Variants in CTSB observed in about 807,000 individuals in gnomAD.
The protein encoded by CTSB is APP secretase.
CTSB carries 57 observed loss-of-function variants against 44.3 expected under a neutral mutation model. That is an observed-to-expected ratio of 1.29 (90% CI 1.04 to 1.60). The LOEUF is 1.60. CTSB is among the 40% of genes most tolerant of loss of function. The pLI is 0.00. For synonymous variants in CTSB, 320 were observed against 168.0 expected (o/e 1.91, Z -7.00); for missense variants, 768 against 443.0 (o/e 1.73, Z -6.59).
intron 1 of CTSB, among the ~76,000 whole-genome samples, chr8:11,866,740 A>G (rs1817207664): frequency 6.6e-6 from 1 of 152,154 alleles, no homozygotes; most frequent in African/African-American, 2.4e-5. Flanking sequence ...GGCACCTGTA[A>G]TCCCAGCTAC....
At position 11,848,073 on chromosome 8, in the gene CTSB, G is replaced by A. The variant is rs573635072; in HGVS notation, c.526C>T (p.His176Tyr). The change falls in exon 6 of 10, where the codon CAT becomes TAT. Residue 176 changes from histidine (H) to tyrosine (Y), a missense_variant. Transcript: ENST00000353047. Reference sequence around the variant, plus strand: ...GCCAAGGGGACACACTTACCTACATGGGATTCATAGAGGCCACCAGAAACC... The same window carrying A: ...GCCAAGGGGACACACTTACCTACATAGGATTCATAGAGGCCACCAGAAACC... ...GLVSGGLYES[H>Y]VGCRPYSIPP... 3 of 1,611,966 alleles carry A rather than the reference G, an allele frequency of 1.9e-6. No individual in the cohort carries two copies. The highest frequency in any genetic ancestry group is 1.1e-5 in the South Asian group (1 of 90,944).
chr8:11,862,796 C>A (rs1338695917), intron 1 of CTSB, among the ~76,000 whole-genome samples: 1 of 152,262 alleles, frequency 6.6e-6, no homozygotes, highest in Non-Finnish European at 1.5e-5. Flanking sequence ...ACAGCCCGGC[C>A]CTCCGGGCTC....
At chr8:11,857,707 G>A (rs551947145) in intron 1 of CTSB, among the ~76,000 whole-genome samples, 3 of 151,956 alleles carry the variant, frequency 2.0e-5, no homozygotes, top group African/African-American at 4.8e-5. Flanking sequence ...CCCTGCACCC[G>A]CCCTCCTTTT....
intron 1 of CTSB, among the ~76,000 whole-genome samples, chr8:11,859,078 G>A (rs183155333): frequency 6.6e-6 from 1 of 152,232 alleles, no homozygotes; most frequent in Admixed American, 6.5e-5. Flanking sequence ...GTGCTGCTTA[G>A]GCAGACCTGA....
intron 3 of CTSB, 64 bp downstream of exon 3, chr8:11,852,546 T>C: frequency 7.2e-7 from 1 of 1,393,994 alleles, no homozygotes; most frequent in Non-Finnish European, 1.0e-6. Flanking sequence ...CTCTCCCACT[T>C]CCCACTGCCC....
At chr8:11,857,385 A>G (rs917614646) in intron 1 of CTSB, among the ~76,000 whole-genome samples, 2 of 152,040 alleles carry the variant, frequency 1.3e-5, no homozygotes, top group African/African-American at 2.4e-5. Flanking sequence ...TCACGTGGCC[A>G]TGCATGTCAG....
At chr8:11,846,095 G>C (rs148192536) in intron 8 of CTSB, 202 of 204,882 alleles carry the variant, frequency 9.9e-4, no homozygotes, top group African/African-American at 4.5e-3. Flanking sequence ...CTAGATGACT[G>C]ATTCATCTGT....
chr8:11,867,022 G>A (rs1321620639), intron 1 of CTSB, among the ~76,000 whole-genome samples: 5 of 152,178 alleles, frequency 3.3e-5, no homozygotes, highest in Non-Finnish European at 5.9e-5. Flanking sequence ...AGTGGGTTTG[G>A]GGGGTCTCTC....
At chr8:11,865,924 CAGG>C (rs2150462419) in intron 1 of CTSB, among the ~76,000 whole-genome samples, 1 of 143,554 alleles carries the variant, frequency 7.0e-6, no homozygotes, top group Admixed American at 7.2e-5. Flanking sequence ...GAGGCTGAGA[CAGG>C]AGAATTGCTT....
intron 9 of CTSB, 116 bp downstream of exon 9, chr8:11,845,545 C>CTGG (rs1813134737): frequency 1.5e-6 from 2 of 1,305,126 alleles, no homozygotes; most frequent in Non-Finnish European, 2.1e-6. Flanking sequence ...AGCTCACAGC[C>CTGG]TGGCCGTAGG....
rs374459060 is a variant in CTSB, at chr8:11,848,081, T to C, written c.518A>G (p.Tyr173Cys). 1.9e-6 allele frequency: 3 copies of C among 1,613,322 alleles called. No individual in the cohort carries two copies. The highest frequency in any genetic ancestry group is 2.7e-5 in the African/African-American group (2 of 74,854). Residue 173 changes from tyrosine to cysteine, a missense_variant, in exon 6 of 10, where the codon TAT (tyrosine) becomes TGT (cysteine). Transcript: ENST00000353047. ...GACACACTTACCTACATGGGATTCA[T>C]AGAGGCCACCAGAAACCAGGCCTTT... ...TRKGLVSGGL[Y>C]ESHVGCRPYS... is the part of the protein sequence containing the mutation.
rs759707839 is a variant in CTSB, at chr8:11,845,741, C to CGG, written c.840_841dup (p.Arg281ProfsTer83). The CGG allele has an allele frequency of 1.2e-6, 2 of 1,613,970 alleles. No individual in the cohort carries two copies. The highest frequency in any genetic ancestry group is 1.7e-6 in the Non-Finnish European group (2 of 1,179,860). On this transcript the variant is annotated frameshift_variant, in exon 9 of 10. Coordinates refer to ENST00000353047, the MANE Select transcript of CTSB (RefSeq NM_001908.5). LOFTEE classifies it high-confidence loss of function. ...ATTCTCCACTCCCCAGCCCAGGATG[C>CGG]GGATGGCATGGCCACCCATCATCTC...
rs138438915 is a variant in CTSB at position 11,847,100 on chromosome 8, C to A, written c.745G>T (p.Val249Leu). 1.6e-4 allele frequency: 256 copies of A among 1,613,752 alleles called. 1 individual carries two copies. Among genetic ancestry groups the A allele is most frequent in the Middle Eastern group, 6.6e-4 (4 of 6,062 alleles). The change falls in exon 8 of 10, where the codon GTG becomes TTG. Residue 249 changes from valine (V) to leucine (L), a missense_variant. Physicochemically the swap from Val to Leu is conservative, Grantham distance 32 (BLOSUM62 1). Coordinates refer to ENST00000353047, the MANE Select transcript of CTSB (RefSeq NM_001908.5). Reference sequence around the variant, plus strand: ...GAATACACAGAGAAAGCTCCCTCCACGGGGCCGTTTTTGTAGATCTCGGCC... The same window carrying A: ...GAATACACAGAGAAAGCTCCCTCCAAGGGGCCGTTTTTGTAGATCTCGGCC... ...IMAEIYKNGP[V>L]EGAFSVYSDF... is the part of the protein sequence containing the mutation.
intron 4 of CTSB, 98 bp downstream of exon 4, chr8:11,850,768 G>C (rs891206985): frequency 2.8e-6 from 2 of 723,632 alleles, no homozygotes; most frequent in African/African-American, 3.6e-5. Flanking sequence ...TCTATAACTT[G>C]CCTTGTCAGA....
chr8:11,864,339 A>AC (rs1432578958), intron 1 of CTSB: 1 of 150,664 alleles, frequency 6.6e-6, no homozygotes, highest in Non-Finnish European at 1.5e-5. Flanking sequence ...AAAAAAAAAA[A>AC]AAAACCTGGG....
intron 1 of CTSB, among the ~76,000 whole-genome samples, chr8:11,856,642 A>G (rs985721908): frequency 6.6e-6 from 1 of 152,150 alleles, no homozygotes; most frequent in South Asian, 2.1e-4. Context: ...AGTGAATTCT[A>G]TTGTATTAAC....
rs372879779 is a variant in CTSB at position 11,850,881 on chromosome 8, G to A, written c.312C>T (p.Ser104=). Residue 104 remains serine, a synonymous_variant, in exon 4 of 10, where the codon TCC becomes TCT. Transcript: ENST00000353047. ...AGGGCCTTACCCAGCAGGAGCCACA[G>A]GAGCCCTGGTCTCTGATCTCTTTGA... ...PTIKEIRDQG[S]CGSCWAFGAV... is the part of the protein sequence containing the mutation. The A allele has an allele frequency of 1.9e-6, 3 of 1,612,820 alleles. No homozygotes were observed. The highest frequency in any genetic ancestry group is 4.5e-5 in the East Asian group (2 of 44,884).
In CTSB at chr8:11,845,019, T is replaced by C; in HGVS notation, c.*106A>G. 1.3e-6 allele frequency: 1 copy of C among 759,482 alleles called. No individual in the cohort carries two copies. The highest frequency in any genetic ancestry group is 2.7e-5 in the East Asian group (1 of 37,434). 47.0% of individuals were successfully genotyped at this position (759,482 alleles called of 1,614,324 possible). ...CAGGTCTGATGTTTGGCCAATCCAGTCCTTCAGACCCTGTCTGAAACTTGT... is the reference window on the plus strand; with the variant it reads ...CAGGTCTGATGTTTGGCCAATCCAGCCCTTCAGACCCTGTCTGAAACTTGT... On this transcript the variant is annotated 3_prime_UTR_variant, in exon 10 of 10. Transcript: ENST00000353047.
At chr8:11,865,890 T>C (rs1252973647) in intron 1 of CTSB, among the ~76,000 whole-genome samples, 2 of 145,432 alleles carry the variant, frequency 1.4e-5, no homozygotes, top group Admixed American at 6.9e-5. Context: ...TGATGGGCAC[T>C]GGCAATCCCA....
Sources: allele counts gnomAD v4.1 joint callset (sites outside exome capture counted in the v4.1 genomes callset), GRCh38; gene constraint gnomAD v4.1.1; transcripts MANE v1.5; gene names NCBI Gene and HGNC (gene_info 2026-07-23, HGNC 2026-07-21).